The following PCDHGA4 variants were observed in gnomAD, a reference collection of about 807,000 sequenced individuals.
The protein encoded by PCDHGA4 is protocadherin gamma subfamily A, 4, also known as protocadherin gamma-A4.
In PCDHGA4, 38 loss-of-function variants were observed where a neutral mutation model predicts 54.6. The observed-to-expected ratio is 0.70, with a 90% confidence interval of 0.54 to 0.91. The LOEUF (loss-of-function observed/expected upper bound fraction) is 0.91, where lower values mean the gene tolerates loss of function less well. Ranked by LOEUF, PCDHGA4 falls within the 40% of genes least tolerant of loss-of-function variation. PCDHGA4 has a pLI of 0.00. For synonymous variants in PCDHGA4, 511 were observed against 512.9 expected (o/e 1.00, Z 0.05); for missense variants, 1,298 against 1,220.9 (o/e 1.06, Z -0.94).
chr5:141,431,642 G>A lies in PCDHGA4; in HGVS notation c.2515-63165G>A, dbSNP rs762914489. The A allele has an allele frequency of 6.2e-7, 1 of 1,614,272 alleles. No homozygotes were observed. The highest frequency in any genetic ancestry group is 1.1e-5 in the South Asian group (1 of 91,090). On this transcript the variant is annotated intron_variant, in intron 1 of 3. Transcript: ENST00000571252. This position sits in a 1 kb window ranked among gnomAD's most constrained non-coding sequence, Gnocchi z 4.8. ...CAAGGCGGCCCAAGTTTTCAAACTA[G>A]ATTGTAATTCAGGGACAATATCAAC... is the stretch of plus-strand genomic sequence containing the variant.
intron 1 of PCDHGA4, chr5:141,427,786 C>G: frequency 1.4e-6 from 2 of 1,477,082 alleles, no homozygotes; most frequent in Non-Finnish European, 1.9e-6. Flanking sequence ...GCACTGTCGT[C>G]CTACGTGTCC....
At chr5:141,509,096 T>C (rs1364889034) in intron 3 of PCDHGA4, among the ~76,000 whole-genome samples, 1 of 152,124 alleles carries the variant, frequency 6.6e-6, no homozygotes, top group African/African-American at 2.4e-5. Context: ...ATGGGGGCTG[T>C]AGAAACCTGA....
intron 1 of PCDHGA4, chr5:141,442,020 A>G (rs1461958612): frequency 4.6e-6 from 1 of 219,170 alleles, no homozygotes; most frequent in South Asian, 5.2e-5. Context: ...GATGGGCCAC[A>G]GGAAAGCGAC....
At position 141,486,641 on chromosome 5, in the gene PCDHGA4, A is replaced by C; in HGVS notation, c.2515-8166A>C. On this transcript the variant is annotated intron_variant, in intron 1 of 3. Transcript: ENST00000571252. The surrounding 1 kb of genome is among the most constrained non-coding windows in gnomAD (Gnocchi z 5.0). ...CCCAGACTCTGGCTTGAATGCGCTTATCTCCTACTCACTCCTGGAGCCCAG... is the reference window on the plus strand; with the variant it reads ...CCCAGACTCTGGCTTGAATGCGCTTCTCTCCTACTCACTCCTGGAGCCCAG... 6.2e-7 allele frequency: 1 copy of C among 1,613,734 alleles called. No individual in the cohort carries two copies. The highest frequency in any genetic ancestry group is 1.6e-4 in the Middle Eastern group (1 of 6,062).
chr5:141,432,706 C>G lies in PCDHGA4; in HGVS notation c.2515-62101C>G, dbSNP rs761752571. The G allele has an allele frequency of 6.2e-7, 1 of 1,613,988 alleles. No homozygotes were observed. Among genetic ancestry groups the G allele is most frequent in the African/African-American group, 1.3e-5 (1 of 75,072 alleles). Reference sequence around the variant, plus strand: ...GCCTCGTAGTGGCCGTCCAGGACCACGGCCAGCCCCCTCTCTCCGCCACTG... The same window carrying G: ...GCCTCGTAGTGGCCGTCCAGGACCAGGGCCAGCCCCCTCTCTCCGCCACTG... On this transcript the variant is annotated intron_variant, in intron 1 of 3. Transcript: ENST00000571252. The surrounding 1 kb of genome is among the most constrained non-coding windows in gnomAD (Gnocchi z 6.0).
chr5:141,446,173 G>A (rs2098491860), intron 1 of PCDHGA4, among the ~76,000 whole-genome samples: 1 of 152,076 alleles, frequency 6.6e-6, no homozygotes, highest in East Asian at 1.9e-4. Context: ...TGAGGGCAGG[G>A]GGTGTTTTGT....
chr5:141,389,378 G>A (rs574837458), intron 1 of PCDHGA4: 4 of 1,613,766 alleles, frequency 2.5e-6, no homozygotes, highest in African/African-American at 2.7e-5. Flanking sequence ...AGCAGCGGGA[G>A]CTGTCATCCT....
chr5:141,403,577 C>A (rs1188693688), intron 1 of PCDHGA4: 5 of 1,613,812 alleles, frequency 3.1e-6, no homozygotes, highest in Non-Finnish European at 3.4e-6. Context: ...AACTGCCCAC[C>A]ACCTGGTCCT....
At chr5:141,460,864 A>C (rs1220160866) in intron 1 of PCDHGA4, among the ~76,000 whole-genome samples, 1 of 151,800 alleles carries the variant, frequency 6.6e-6, no homozygotes, top group East Asian at 1.9e-4. Flanking sequence ...AAGTTGCTGC[A>C]AAGGACATTA....
rs139832920 is a variant in PCDHGA4, at chr5:141,432,866, G to T, written c.2515-61941G>T. On this transcript the variant is annotated intron_variant, in intron 1 of 3. Coordinates refer to ENST00000571252, the MANE Select transcript of PCDHGA4 (RefSeq NM_018917.4). This position sits in a 1 kb window ranked among gnomAD's most constrained non-coding sequence, Gnocchi z 6.0. ...GGTAGCGGTGGCCGCGGTCTCCTGC[G>T]TCTTCCTGGCCTTCGTCATCTTGCT... The T allele has an allele frequency of 1.9e-6, 3 of 1,614,034 alleles. No individual in the cohort carries two copies. The African/African-American group carries it at 4.0e-5, about 22-fold the overall frequency.
At chr5:141,478,425 A>G (rs1454100826) in intron 1 of PCDHGA4, 1 of 1,613,542 alleles carries the variant, frequency 6.2e-7, no homozygotes, top group African/African-American at 1.3e-5. Context: ...CGCCGCAGCG[A>G]CCCGCTGCTG....
intron 1 of PCDHGA4, 134 bp from the exon 2 acceptor site, chr5:141,494,673 C>G: frequency 4.5e-6 from 7 of 1,542,992 alleles, no homozygotes; most frequent in Non-Finnish European, 6.1e-6. Flanking sequence ...GATGAGTCCA[C>G]CCCTGCCCCC....
At chr5:141,454,313 G>A (rs986902404) in intron 1 of PCDHGA4, among the ~76,000 whole-genome samples, 1 of 152,296 alleles carries the variant, frequency 6.6e-6, no homozygotes, top group Non-Finnish European at 1.5e-5. Context: ...TCAAAGCATT[G>A]AAACCTCCAA....
chr5:141,474,169 T>C (rs1268235616), intron 1 of PCDHGA4, among the ~76,000 whole-genome samples: 2 of 152,232 alleles, frequency 1.3e-5, no homozygotes, highest in Non-Finnish European at 2.9e-5. Context: ...GGCCTTATTA[T>C]TGAGAAAACT....
intron 1 of PCDHGA4, among the ~76,000 whole-genome samples, chr5:141,473,907 C>T (rs552055360): frequency 2.0e-4 from 30 of 152,220 alleles, no homozygotes; most frequent in African/African-American, 7.2e-4. Context: ...ATGAAGAGGT[C>T]TTAAGAAAAC....
rs767291767 is a variant in PCDHGA4, at chr5:141,487,668, T to C, written c.2515-7139T>C. ...CTTGAGGGTTATTCTGATCCAGGCA[T>C]ATGGCTAGGCCATGTCCTAGAGAGT... is the stretch of plus-strand genomic sequence containing the variant. On this transcript the variant is annotated intron_variant, in intron 1 of 3. Transcript: ENST00000571252. The surrounding 1 kb of genome is among the most constrained non-coding windows in gnomAD (Gnocchi z 5.0). 1.9e-6 allele frequency: 3 copies of C among 1,612,658 alleles called. No homozygotes were observed. Among genetic ancestry groups the C allele is most frequent in the South Asian group, 1.1e-5 (1 of 90,650 alleles).
Position 141,486,314 on chromosome 5 carries a change from T to C in PCDHGA4, c.2515-8493T>C, listed in dbSNP as rs775833520. The C allele has an allele frequency of 4.5e-5, 72 of 1,613,758 alleles. No homozygotes were observed. The highest frequency in any genetic ancestry group is 5.9e-5 in the Non-Finnish European group (70 of 1,179,984). On this transcript the variant is annotated intron_variant, in intron 1 of 3. Transcript: ENST00000571252. This position sits in a 1 kb window ranked among gnomAD's most constrained non-coding sequence, Gnocchi z 5.0. ...CAGTGTGCAGGATCCAGACTCAGGG[T>C]CAAACGGAGATGTGAGCCTCCGCAT...
At chr5:141,460,787 C>T (rs1177595415) in intron 1 of PCDHGA4, among the ~76,000 whole-genome samples, 1 of 151,504 alleles carries the variant, frequency 6.6e-6, no homozygotes, top group Non-Finnish European at 1.5e-5. Context: ...TACATATATA[C>T]ACACAAAGTA....
At chr5:141,449,280 C>G (rs934214922) in intron 1 of PCDHGA4, among the ~76,000 whole-genome samples, 1 of 151,944 alleles carries the variant, frequency 6.6e-6, no homozygotes, top group East Asian at 1.9e-4. Context: ...CTCCTTCACC[C>G]GGATGCACCG....
Sources: allele counts gnomAD v4.1 joint callset (sites outside exome capture counted in the v4.1 genomes callset), GRCh38; gene constraint gnomAD v4.1.1; non-coding constraint Gnocchi (gnomAD v3.1); transcripts MANE v1.5; gene names NCBI Gene and HGNC (gene_info 2026-07-23, HGNC 2026-07-21).